TANC2: variants seen among roughly 807,000 people sequenced by gnomAD.
The protein encoded by TANC2 is protein TANC2.
Under a neutral mutation model 210.5 loss-of-function variants are expected in TANC2, and 26 were observed. The ratio of observed to expected loss-of-function variants is 0.12; its 90% CI spans 0.09 to 0.17. TANC2 has a LOEUF of 0.17. TANC2 is among the 10% of genes least tolerant of loss of function. The pLI is 1.00. For missense variants in TANC2, 2,129 were observed against 2,608.9 expected (o/e 0.82, Z 4.01); for synonymous variants, 931 against 967.1 (o/e 0.96, Z 0.69).
At chr17:63,236,452 C>T (rs138337972) in intron 7 of TANC2, among the ~76,000 whole-genome samples, 38 of 152,160 alleles carry the variant, frequency 2.5e-4, no homozygotes, top group African/African-American at 7.5e-4. Context: ...CATGAATTTA[C>T]GTAATCATAA....
chr17:62,996,971 G>A (rs1376132587), intron 1 of TANC2, among the ~76,000 whole-genome samples: 1 of 148,220 alleles, frequency 6.7e-6, no homozygotes, highest in East Asian at 1.9e-4. Context: ...GCACCACCAC[G>A]TCTGGCTAAT....
At chr17:63,140,121 G>A (rs1567756932) in intron 4 of TANC2, among the ~76,000 whole-genome samples, 1 of 152,102 alleles carries the variant, frequency 6.6e-6, no homozygotes, top group African/African-American at 2.4e-5. Flanking sequence ...ATAACTAGAA[G>A]ATTAACTAGA....
exon 28 of TANC2, chr17:63,424,168 A>G (rs913323538): frequency 6.6e-6 from 1 of 152,234 alleles, no homozygotes; most frequent in Admixed American, 6.5e-5. Context: ...GTCCAGGCGA[A>G]TGAGCAGGTC....
intron 4 of TANC2, among the ~76,000 whole-genome samples, chr17:63,116,821 G>A (rs1483653477): frequency 6.6e-6 from 1 of 152,132 alleles, no homozygotes; most frequent in Non-Finnish European, 1.5e-5. Context: ...CAAAATCACT[G>A]TATAATTTTA....
At chr17:62,981,324 G>C (rs1394736103) in intron 1 of TANC2, among the ~76,000 whole-genome samples, 1 of 151,906 alleles carries the variant, frequency 6.6e-6, no homozygotes, top group Non-Finnish European at 1.5e-5. Flanking sequence ...CTTTTTCTCT[G>C]TTGAAGGTCA....
chr17:63,317,598 A>G (rs1420851692), intron 10 of TANC2, among the ~76,000 whole-genome samples: 2 of 152,202 alleles, frequency 1.3e-5, no homozygotes. Context: ...TATCACTAAA[A>G]GTCTCAATGT....
intron 2 of TANC2, among the ~76,000 whole-genome samples, chr17:63,024,285 T>C (rs2034463820): frequency 6.6e-6 from 1 of 152,176 alleles, no homozygotes; most frequent in Non-Finnish European, 1.5e-5. Flanking sequence ...TGCTGGTTGC[T>C]CAATTTTATG....
intron 9 of TANC2, among the ~76,000 whole-genome samples, chr17:63,289,447 T>G (rs1311545799): frequency 1.3e-5 from 2 of 152,164 alleles, no homozygotes; most frequent in Non-Finnish European, 2.9e-5. Flanking sequence ...TACTCTGATT[T>G]TTATCTATTA....
At chr17:63,424,076 C>T (rs1309496854) in exon 28 of TANC2, 1 of 152,230 alleles carries the variant, frequency 6.6e-6, no homozygotes, top group Non-Finnish European at 1.5e-5. Context: ...TGAGGAGCCA[C>T]TGCATTTTGA....
chr17:63,393,883 G>A (rs1225687308), intron 17 of TANC2, among the ~76,000 whole-genome samples: 1 of 151,592 alleles, frequency 6.6e-6, no homozygotes, highest in Non-Finnish European at 1.5e-5. Context: ...TGATTCTCCT[G>A]CCTCACCCTC....
intron 1 of TANC2, among the ~76,000 whole-genome samples, chr17:62,988,684 A>T (rs1031400524): frequency 1.3e-5 from 2 of 152,190 alleles, no homozygotes; most frequent in Non-Finnish European, 1.5e-5. Flanking sequence ...GAAGAGAATA[A>T]AGAACGGAAG....
chr17:63,400,810 ATT>A (rs146655118), intron 19 of TANC2, among the ~76,000 whole-genome samples: 24 of 142,172 alleles, frequency 1.7e-4, no homozygotes, highest in Admixed American at 4.9e-4. Context: ...CACCTGACTA[ATT>A]TTTTTTTTTT....
At chr17:63,092,536 G>T (rs1376747563) in intron 3 of TANC2, among the ~76,000 whole-genome samples, 4 of 152,036 alleles carry the variant, frequency 2.6e-5, no homozygotes, top group Admixed American at 2.0e-4. Context: ...AAGAAAAGAG[G>T]TTTAATTGGC....
chr17:63,340,427 C>T (rs2046190150), intron 12 of TANC2, 95 bp downstream of exon 12: 1 of 1,029,308 alleles, frequency 9.7e-7, no homozygotes, highest in Non-Finnish European at 1.4e-6. Context: ...ATCACATTGC[C>T]AAAACTAAAT....
intron 1 of TANC2, chr17:62,967,027 TGC>T (rs1568281797): frequency 6.6e-6 from 1 of 152,214 alleles, no homozygotes. Context: ...AAGGATAAGA[TGC>T]GAGGCGGATT....
At chr17:63,128,947 T>C (rs532724144) in intron 4 of TANC2, among the ~76,000 whole-genome samples, 2 of 152,328 alleles carry the variant, frequency 1.3e-5, no homozygotes, top group East Asian at 1.9e-4. Context: ...AAGAATCTTA[T>C]GTTCTTCTTG....
chr17:63,165,769 T>C (rs1350889738), intron 5 of TANC2, among the ~76,000 whole-genome samples: 1 of 152,222 alleles, frequency 6.6e-6, no homozygotes, highest in African/African-American at 2.4e-5. Flanking sequence ...TTGAATGAAT[T>C]GTGCTATTGA....
chr17:63,390,569 T>C (rs1465623428), intron 17 of TANC2: 2 of 152,236 alleles, frequency 1.3e-5, no homozygotes, highest in African/African-American at 4.8e-5. Context: ...TGTAGCTCAC[T>C]GCAGTCTTCA....
At chr17:63,186,941 G>A (rs1048365836) in intron 5 of TANC2, among the ~76,000 whole-genome samples, 6 of 152,188 alleles carry the variant, frequency 3.9e-5, no homozygotes, top group East Asian at 3.9e-4. Flanking sequence ...CAAAGTTGTC[G>A]TCATTATTAA....
Sources: allele counts gnomAD v4.1 joint callset (sites outside exome capture counted in the v4.1 genomes callset), GRCh38; gene constraint gnomAD v4.1.1; transcripts MANE v1.5; gene names NCBI Gene and HGNC (gene_info 2026-07-23, HGNC 2026-07-21).